Variants in CORO2B observed in about 807,000 individuals in gnomAD.
The protein encoded by CORO2B is coronin 2B.
CORO2B carries 26 observed loss-of-function variants against 58.8 expected under a neutral mutation model. That is an observed-to-expected ratio of 0.44 (90% confidence interval 0.32 to 0.61). The LOEUF is 0.61. Ranked by LOEUF, CORO2B falls within the 20% of genes least tolerant of loss-of-function variation. The pLI, the probability that CORO2B is intolerant of heterozygous loss-of-function variation, is 0.04. For synonymous variants in CORO2B, 242 were observed against 253.8 expected, an observed-to-expected ratio of 0.95 and a Z score of 0.44; for missense variants, 460 against 645.1, an observed-to-expected ratio of 0.71 and a Z score of 3.11.
At chr15:68,525,330 G>C in the CORO2B span, among the ~76,000 whole-genome samples, 1 of 152,166 alleles carries the variant, frequency 6.6e-6, no homozygotes, top group Non-Finnish European at 1.5e-5. Flanking sequence ...AAGAAAAGAA[G>C]AGCTTTCTGT....
chr15:68,544,638 T>C, the CORO2B span, among the ~76,000 whole-genome samples: 1 of 152,144 alleles, frequency 6.6e-6, no homozygotes, highest in Non-Finnish European at 1.5e-5. Context: ...TGGTCTCCAT[T>C]ATGGACAAGT....
intron 1 of CORO2B, among the ~76,000 whole-genome samples, chr15:68,644,225 G>T (rs1277590079): frequency 6.6e-6 from 1 of 152,216 alleles, no homozygotes; most frequent in Non-Finnish European, 1.5e-5. Context: ...CTCATGTAGT[G>T]ACTCAGCAAT....
chr15:68,667,183 G>C (rs1401344863), intron 2 of CORO2B, among the ~76,000 whole-genome samples: 1 of 151,840 alleles, frequency 6.6e-6, no homozygotes, highest in Non-Finnish European at 1.5e-5. Context: ...GGCCCACTCT[G>C]CCCCTTCCTG....
intron 1 of CORO2B, among the ~76,000 whole-genome samples, chr15:68,601,114 G>C (rs1174485514): frequency 6.6e-6 from 1 of 152,218 alleles, no homozygotes; most frequent in East Asian, 1.9e-4. Context: ...GTGAATGGTT[G>C]ACAGGTAGAG....
chr15:68,651,774 C>G (rs1901649641), intron 2 of CORO2B, among the ~76,000 whole-genome samples: 1 of 152,188 alleles, frequency 6.6e-6, no homozygotes, highest in Admixed American at 6.5e-5. Context: ...CCAGGATCCC[C>G]AAATCCCTGC....
chr15:68,519,938 A>C, the CORO2B span, among the ~76,000 whole-genome samples: 1 of 152,244 alleles, frequency 6.6e-6, no homozygotes. Context: ...TCCACTAAGC[A>C]CAGCTTTAGT....
chr15:68,584,482 C>A (rs1346985465), intron 1 of CORO2B, among the ~76,000 whole-genome samples: 1 of 152,158 alleles, frequency 6.6e-6, no homozygotes, highest in African/African-American at 2.4e-5. Context: ...GGAGTGTGGG[C>A]GCTGGCTGGG....
intron 2 of CORO2B, among the ~76,000 whole-genome samples, chr15:68,692,809 T>C (rs1007081464): frequency 2.0e-5 from 3 of 151,274 alleles, no homozygotes; most frequent in Non-Finnish European, 2.9e-5. Flanking sequence ...AATTTTTGTA[T>C]TTTTAGTAGA....
intron 2 of CORO2B, among the ~76,000 whole-genome samples, chr15:68,674,294 C>T (rs565323798): frequency 1.3e-5 from 2 of 152,114 alleles, no homozygotes; most frequent in South Asian, 4.2e-4. Flanking sequence ...GAGCTCCCTG[C>T]TGGGGGCTTC....
At chr15:68,534,043 A>G in the CORO2B span, among the ~76,000 whole-genome samples, 145,368 of 152,292 alleles carry the variant, frequency 0.95, 69,445 homozygotes, top group East Asian at 1. Flanking sequence ...TGTGCCTCAT[A>G]GTTCTCCATG....
chr15:68,558,907 G>A, the CORO2B span, among the ~76,000 whole-genome samples: 1 of 152,182 alleles, frequency 6.6e-6, no homozygotes, highest in Admixed American at 6.5e-5. Flanking sequence ...TACACACCGC[G>A]GGGAGGTGTT....
chr15:68,558,239 T>C, the CORO2B span, among the ~76,000 whole-genome samples: 2 of 152,102 alleles, frequency 1.3e-5, no homozygotes, highest in African/African-American at 2.4e-5. Flanking sequence ...ATCAAACATC[T>C]CTACATCCAA....
chr15:68,691,624 CAAAAAAA>C (rs57879519), intron 2 of CORO2B, among the ~76,000 whole-genome samples: 3 of 25,756 alleles, frequency 1.2e-4, no homozygotes, highest in African/African-American at 1.1e-4. Context: ...GACTCCGTCT[CAAAAAAA>C]AAAAAAAAAA....
Position 68,713,961 on chromosome 15 carries a change from G to T in CORO2B, c.685G>T (p.Val229Leu). Residue 229 changes from valine (V) to leucine (L), a missense_variant, in exon 6 of 12, where the codon GTG becomes TTG. Coordinates refer to ENST00000261861, the MANE Select transcript of CORO2B (RefSeq NM_006091.5). ...NCKNHRVNRV[V>L]FLGNMKRLLT... is the part of the protein sequence containing the mutation. ...CAAAAACCACAGAGTGAACCGGGTG[G>T]TGTTCCTGGGGAACATGAAGCGGCT... The T allele has an allele frequency of 6.2e-7, 1 of 1,614,114 alleles. No individual in the cohort carries two copies. Among genetic ancestry groups the T allele is most frequent in the South Asian group, 1.1e-5 (1 of 91,086 alleles).
the CORO2B span, among the ~76,000 whole-genome samples, chr15:68,529,526 A>G: frequency 6.6e-6 from 1 of 152,170 alleles, no homozygotes; most frequent in Non-Finnish European, 1.5e-5. Flanking sequence ...GTCATTCATT[A>G]TATTCCCTTA....
At chr15:68,629,977 C>T (rs923798668) in intron 1 of CORO2B, among the ~76,000 whole-genome samples, 2 of 152,174 alleles carry the variant, frequency 1.3e-5, no homozygotes, top group Non-Finnish European at 2.9e-5. Context: ...AGGCACCCTG[C>T]CCTGGAGGAG....
chr15:68,721,038 C>T (rs1354080980), intron 11 of CORO2B, among the ~76,000 whole-genome samples: 1 of 152,088 alleles, frequency 6.6e-6, no homozygotes, highest in Non-Finnish European at 1.5e-5. Context: ...TGCACCACCA[C>T]ACCCAGCTAA....
chr15:68,647,207 A>C (rs1278239361), intron 2 of CORO2B, among the ~76,000 whole-genome samples: 2 of 152,268 alleles, frequency 1.3e-5, no homozygotes, highest in East Asian at 3.8e-4. Context: ...TAAGAAAGCC[A>C]GGAATCCCCC....
chr15:68,670,478 C>A (rs1283175056), intron 2 of CORO2B, among the ~76,000 whole-genome samples: 1 of 152,120 alleles, frequency 6.6e-6, no homozygotes, highest in Non-Finnish European at 1.5e-5. Context: ...TCGCGCCCAG[C>A]CAGCAAAAAT....
Sources: gnomAD v4.1 joint callset for allele counts (sites outside exome capture counted in the v4.1 genomes callset) on GRCh38, gnomAD v4.1.1 for gene constraint, MANE v1.5 for transcripts, NCBI Gene and HGNC (gene_info 2026-07-23, HGNC 2026-07-21) for gene names.